KCNAB1: variants seen among roughly 807,000 people sequenced by gnomAD.
The protein encoded by KCNAB1 is voltage-gated potassium channel subunit beta-1.
KCNAB1 carries 35 observed loss-of-function variants against 64.6 expected under a neutral mutation model. That is an observed-to-expected ratio of 0.54 (90% CI 0.41 to 0.72). The LOEUF is 0.72. Among genes scored for constraint, KCNAB1 ranks in the 30% least tolerant of loss-of-function variants. KCNAB1 has a pLI of 0.00. For synonymous variants in KCNAB1, 177 were observed against 183.8 expected (o/e 0.96, Z 0.30); for missense variants, 401 against 512.9 (o/e 0.78, Z 2.11).
intron 1 of KCNAB1, among the ~76,000 whole-genome samples, chr3:156,352,800 G>A (rs753953072): frequency 3.9e-5 from 6 of 152,232 alleles, no homozygotes; most frequent in Non-Finnish European, 4.4e-5. Flanking sequence ...GGCAGAGGGT[G>A]TCAGCCTGGG....
chr3:156,413,780 C>T (rs942922190), intron 1 of KCNAB1, among the ~76,000 whole-genome samples: 2 of 152,334 alleles, frequency 1.3e-5, no homozygotes, highest in Admixed American at 6.5e-5. Flanking sequence ...AGCTGTTATG[C>T]ACCCAGCACT....
intron 1 of KCNAB1, among the ~76,000 whole-genome samples, chr3:156,141,732 G>A (rs1053928091): frequency 2.0e-5 from 3 of 152,162 alleles, no homozygotes; most frequent in Non-Finnish European, 2.9e-5. Context: ...AAACATTTGT[G>A]TACAAGTTTT....
Position 156,457,446 on chromosome 3 carries a change from C to G in KCNAB1, c.358-7C>G. 1 of 1,613,722 alleles carries G rather than the reference C, an allele frequency of 6.2e-7. No homozygotes were observed. The highest frequency in any genetic ancestry group is 2.2e-5 in the East Asian group (1 of 44,868). On this transcript the variant is annotated splice_polypyrimidine_tract_variant and splice_region_variant and intron_variant, in intron 3 of 13. Coordinates refer to ENST00000490337, the MANE Select transcript of KCNAB1 (RefSeq NM_172160.3). ...CTTTTCTGAGTGACCTTTCTCTCCC[C>G]TTGCAGGTTGCTGAACGGCTGATGA... is the stretch of plus-strand genomic sequence containing the variant.
intron 4 of KCNAB1, 136 bp from the exon 5 acceptor site, chr3:156,459,691 A>G: frequency 1.7e-6 from 1 of 602,684 alleles, no homozygotes; most frequent in Non-Finnish European, 2.9e-6. Context: ...AAACTGTGCT[A>G]CCAGCCGAGA....
intron 1 of KCNAB1, among the ~76,000 whole-genome samples, chr3:156,127,109 A>G (rs1713704191): frequency 6.6e-6 from 1 of 151,778 alleles, no homozygotes; most frequent in Non-Finnish European, 1.5e-5. Context: ...CACTCAATCA[A>G]TTTTGGTGCT....
At chr3:156,529,144 A>G (rs1427936053) in intron 12 of KCNAB1, among the ~76,000 whole-genome samples, 1 of 152,146 alleles carries the variant, frequency 6.6e-6, no homozygotes, top group Non-Finnish European at 1.5e-5. Flanking sequence ...ACAATGGAAT[A>G]CTCTTTAGCA....
At chr3:156,482,737 G>T (rs1313885088) in intron 8 of KCNAB1, among the ~76,000 whole-genome samples, 1 of 152,032 alleles carries the variant, frequency 6.6e-6, no homozygotes, top group Non-Finnish European at 1.5e-5. Context: ...GCTCTATAGG[G>T]TTATTGTGAG....
intron 1 of KCNAB1, among the ~76,000 whole-genome samples, chr3:156,183,496 T>C (rs1319840943): frequency 6.6e-6 from 1 of 152,166 alleles, no homozygotes; most frequent in Non-Finnish European, 1.5e-5. Flanking sequence ...AAACTGGCAG[T>C]GCATGGTTTG....
At chr3:156,515,255 A>G (rs1424553014) in intron 10 of KCNAB1, 35 bp downstream of exon 10, 23 of 1,573,592 alleles carry the variant, frequency 1.5e-5, no homozygotes, top group Non-Finnish European at 2.0e-5. Flanking sequence ...GAGTATTTTT[A>G]ACAAGAGAAA....
intron 12 of KCNAB1, 69 bp from the exon 13 acceptor site, chr3:156,531,339 GC>G (rs1347151909): frequency 9.0e-7 from 1 of 1,112,860 alleles, no homozygotes; most frequent in African/African-American, 1.5e-5. Context: ...AACAGCTGTA[GC>G]AGGTGTTTAT....
intron 1 of KCNAB1, among the ~76,000 whole-genome samples, chr3:156,194,699 A>C (rs1713781614): frequency 6.6e-6 from 1 of 152,178 alleles, no homozygotes; most frequent in South Asian, 2.1e-4. Flanking sequence ...AGGGATTTTA[A>C]TTATACATAT....
At chr3:156,434,876 G>C (rs1716481980) in intron 2 of KCNAB1, among the ~76,000 whole-genome samples, 1 of 152,186 alleles carries the variant, frequency 6.6e-6, no homozygotes, top group Admixed American at 6.6e-5. Flanking sequence ...CACAGTGGCA[G>C]GAAGAAAGGA....
intron 1 of KCNAB1, among the ~76,000 whole-genome samples, chr3:156,401,362 T>G (rs531017354): frequency 6.6e-6 from 1 of 152,368 alleles, no homozygotes; most frequent in African/African-American, 2.4e-5. Flanking sequence ...TGATCCTCTA[T>G]GATTGAACCA....
chr3:156,374,848 T>TA lies in KCNAB1; in HGVS notation c.276-46761dup, dbSNP rs1380318158. On this transcript the variant is annotated intron_variant, in intron 1 of 13. Transcript: ENST00000490337. ...ATAAGTTGTTGTAAAGGTTAGATTT[T>TA]AAAAAAATACAGATTAAGTGCCTAG... Among the ~76,000 whole-genome samples, 2 of 135,934 alleles carry TA rather than the reference T, an allele frequency of 1.5e-5. 1 individual carries two copies. Among genetic ancestry groups the TA allele is most frequent in the Non-Finnish European group, 3.1e-5 (2 of 64,974 alleles). The allele number at this position is 135,934 out of a possible 152,430, so 89.2% of individuals were successfully genotyped here.
chr3:156,213,014 A>G (rs1715108035), intron 1 of KCNAB1, among the ~76,000 whole-genome samples: 1 of 152,116 alleles, frequency 6.6e-6, no homozygotes, highest in Non-Finnish European at 1.5e-5. Context: ...CTATTTGGAG[A>G]ATAGATTTGG....
At chr3:156,224,686 T>G (rs926196571) in intron 1 of KCNAB1, among the ~76,000 whole-genome samples, 1 of 152,134 alleles carries the variant, frequency 6.6e-6, no homozygotes, top group African/African-American at 2.4e-5. Flanking sequence ...ATTAGAGAGA[T>G]TAACCGAGAA....
intron 1 of KCNAB1, among the ~76,000 whole-genome samples, chr3:156,315,686 C>T (rs969271394): frequency 6.6e-6 from 1 of 152,120 alleles, no homozygotes; most frequent in Non-Finnish European, 1.5e-5. Context: ...AAACGTTTCT[C>T]ATTATCTATT....
chr3:156,370,661 A>G (rs1053537090), intron 1 of KCNAB1, among the ~76,000 whole-genome samples: 3 of 150,440 alleles, frequency 2.0e-5, no homozygotes, highest in Non-Finnish European at 4.4e-5. Context: ...CCTGAGCTCC[A>G]CAATGGAGGA....
chr3:156,470,771 A>T (rs1458035626), intron 7 of KCNAB1, among the ~76,000 whole-genome samples: 1 of 152,132 alleles, frequency 6.6e-6, no homozygotes, highest in African/African-American at 2.4e-5. Flanking sequence ...CAAATCTTAA[A>T]CTCTATGAAC....
Sources: gnomAD v4.1 joint callset for allele counts (sites outside exome capture counted in the v4.1 genomes callset) on GRCh38, gnomAD v4.1.1 for gene constraint, MANE v1.5 for transcripts, NCBI Gene and HGNC (gene_info 2026-07-23, HGNC 2026-07-21) for gene names.